ERICH3: variants seen among roughly 807,000 people sequenced by gnomAD.
The protein encoded by ERICH3 is glutamate-rich protein 3.
ERICH3 carries 126 observed loss-of-function variants against 131.1 expected under a neutral mutation model. The observed-to-expected ratio is 0.96, with a 90% confidence interval of 0.83 to 1.11. ERICH3 has a LOEUF of 1.11. Ranked by LOEUF, ERICH3 falls within the 50% of genes most tolerant of loss-of-function variation. The pLI is 0.00. For missense variants in ERICH3, 2,050 were observed against 1,810.7 expected (o/e 1.13, Z -2.40); for synonymous variants, 695 against 644.6 (o/e 1.08, Z -1.18).
intron 6 of ERICH3, among the ~76,000 whole-genome samples, chr1:74,632,564 GCA>G (rs201198183): frequency 6.6e-6 from 1 of 150,778 alleles, no homozygotes; most frequent in Non-Finnish European, 1.5e-5. Flanking sequence ...ATACACACAT[GCA>G]CACACACACA....
At chr1:74,608,658 T>C (rs1476842972) in intron 9 of ERICH3, among the ~76,000 whole-genome samples, 1 of 152,072 alleles carries the variant, frequency 6.6e-6, no homozygotes, top group East Asian at 1.9e-4. Context: ...CTAGAAGGAT[T>C]TGCACTCAAA....
At chr1:74,666,439 A>G (rs1646693874) in intron 1 of ERICH3, among the ~76,000 whole-genome samples, 5 of 152,042 alleles carry the variant, frequency 3.3e-5, no homozygotes, top group Admixed American at 3.3e-4. Context: ...TAATACTGAA[A>G]GAGTCTCAGT....
Position 74,612,614 on chromosome 1 carries a change from T to C in ERICH3, c.1187+9A>G. ...CTTGCCCTCTACCAAAGGACATTTG[T>C]TTCCATACTTGTAGCAAGGAGATGA... On this transcript the variant is annotated intron_variant, in intron 9 of 14. Transcript: ENST00000326665. 1 of 1,539,674 alleles carries C rather than the reference T, an allele frequency of 6.5e-7. No homozygotes were observed.
chr1:74,578,899 T>C (rs1647126279), intron 12 of ERICH3, among the ~76,000 whole-genome samples: 1 of 152,080 alleles, frequency 6.6e-6, no homozygotes, highest in Non-Finnish European at 1.5e-5. Flanking sequence ...GGAGGGAAAA[T>C]TGTGACTTAA....
chr1:74,626,909 T>C (rs568124257), intron 7 of ERICH3, among the ~76,000 whole-genome samples: 3 of 152,292 alleles, frequency 2.0e-5, no homozygotes, highest in Admixed American at 6.5e-5. Flanking sequence ...TACACATTCA[T>C]AGAGGAGCAG....
intron 9 of ERICH3, among the ~76,000 whole-genome samples, chr1:74,608,309 C>G (rs528624099): frequency 2.1e-4 from 32 of 152,106 alleles, no homozygotes; most frequent in Admixed American, 2.1e-3. Flanking sequence ...TGGTAGTTAT[C>G]AGTCTCTTCA....
rs887589283 is a variant in ERICH3 at position 74,631,734 on chromosome 1, G to A, written c.798C>T (p.Gly266=). Residue 266 remains glycine (G), a synonymous_variant, in exon 7 of 15, where the codon GGC becomes GGT. Transcript: ENST00000326665. ...RRFRPTTAPN[G]LEPLLTKDSR... is the part of the protein sequence containing the mutation. ...TCACCTTTGTCAAAAGAGGTTCTAA[G>A]CCATTTGGAGCAGTGGTTGGACGAA... The A allele has an allele frequency of 2.5e-6, 4 of 1,612,584 alleles. No homozygotes were observed. In the African/African-American group the frequency reaches 5.3e-5, roughly 22 times the overall value.
At chr1:74,588,539 A>G (rs12084447) in intron 12 of ERICH3, among the ~76,000 whole-genome samples, 1,714 of 152,326 alleles carry the variant, frequency 0.011, 33 homozygotes, top group African/African-American at 0.039. Flanking sequence ...AGACGCTAAA[A>G]GCATTCATAT....
At chr1:74,588,647 T>C (rs963772204) in intron 12 of ERICH3, among the ~76,000 whole-genome samples, 14 of 152,052 alleles carry the variant, frequency 9.2e-5, no homozygotes, top group African/African-American at 2.7e-4. Flanking sequence ...GGGAGACAGA[T>C]GAGAGAGAGC....
intron 7 of ERICH3, among the ~76,000 whole-genome samples, chr1:74,627,284 GTGAAGA>G (rs1649450362): frequency 1.3e-5 from 2 of 152,046 alleles, no homozygotes; most frequent in South Asian, 4.1e-4. Context: ...AGATTTATGG[GTGAAGA>G]TGAAAAAGAA....
At chr1:74,631,959 G>C in intron 6 of ERICH3, 31 bp from the exon 7 acceptor site, 1 of 1,578,430 alleles carries the variant, frequency 6.3e-7, no homozygotes, top group Non-Finnish European at 8.7e-7. Flanking sequence ...ATAAGAACCA[G>C]TGAAACAGAA....
intron 13 of ERICH3, among the ~76,000 whole-genome samples, chr1:74,573,986 T>C (rs543231886): frequency 6.6e-6 from 1 of 151,226 alleles, no homozygotes; most frequent in African/African-American, 2.4e-5. Context: ...TTTGTCTCTT[T>C]TTCTCTCTTT....
intron 12 of ERICH3, among the ~76,000 whole-genome samples, chr1:74,587,789 T>C (rs1484187462): frequency 1.3e-5 from 2 of 152,206 alleles, no homozygotes; most frequent in African/African-American, 2.4e-5. Context: ...CTTATATGTA[T>C]GAAAATTTCA....
At chr1:74,635,654 C>T (rs572063142) in intron 6 of ERICH3, among the ~76,000 whole-genome samples, 65 of 152,060 alleles carry the variant, frequency 4.3e-4, no homozygotes, top group African/African-American at 1.5e-3. Flanking sequence ...ACTAATTCCT[C>T]CTCCCTATTT....
intron 1 of ERICH3, among the ~76,000 whole-genome samples, chr1:74,667,307 C>A (rs181443644): frequency 6.6e-5 from 10 of 152,064 alleles, no homozygotes; most frequent in African/African-American, 2.4e-4. Flanking sequence ...TTTTTGTTTT[C>A]GCAAATTTTA....
rs140931504 is a variant in ERICH3 at position 74,572,645 on chromosome 1, G to C, written c.3065C>G (p.Ala1022Gly). 6.2e-6 allele frequency: 10 copies of C among 1,613,758 alleles called. No individual in the cohort carries two copies. The highest frequency in any genetic ancestry group is 1.7e-5 in the Admixed American group (1 of 60,002). Reference sequence around the variant, plus strand: ...TTCCACATCTTCCTTGCAAAGGAAGGCTTCCTTTGCAAGGCTTCCTTCCTC... The same window carrying C: ...TTCCACATCTTCCTTGCAAAGGAAGCCTTCCTTTGCAAGGCTTCCTTCCTC... ...SPEEGSLAKE[A>G]FLCKEDVEGE... The change falls in exon 14 of 15, where the codon GCC becomes GGC. Residue 1022 changes from alanine to glycine, a missense_variant. Ala to Gly is a moderately conservative substitution (Grantham distance 60, BLOSUM62 0). Transcript: ENST00000326665.
Position 74,623,618 on chromosome 1 carries a change from C to T in ERICH3, c.820-2704G>A, listed in dbSNP as rs532454026. The T allele has an allele frequency of 7.7e-4, 117 of 152,212 alleles. 1 individual carries two copies. Among genetic ancestry groups the T allele is most frequent in the African/African-American group, 2.7e-3 (112 of 41,542 alleles). 9.4% of individuals were successfully genotyped at this position (152,212 alleles called of 1,614,324 possible). The stretch of plus-strand genomic sequence containing the variant: ...AGAATTTTGAACTATTCCAGGAAAA[C>T]TGAGAAGTATGGTCGCCCTACGAAT... On this transcript the variant is annotated intron_variant, in intron 7 of 14. Coordinates refer to ENST00000326665, the MANE Select transcript of ERICH3 (RefSeq NM_001002912.5).
At chr1:74,669,021 T>A (rs1038871112) in intron 1 of ERICH3, among the ~76,000 whole-genome samples, 3 of 152,148 alleles carry the variant, frequency 2.0e-5, no homozygotes, top group African/African-American at 7.2e-5. Context: ...TGGACCTTTC[T>A]TTAGGAAATA....
At chr1:74,613,197 A>G (rs1405303737) in intron 8 of ERICH3, among the ~76,000 whole-genome samples, 4 of 152,140 alleles carry the variant, frequency 2.6e-5, no homozygotes, top group Admixed American at 2.6e-4. Flanking sequence ...GATTACTTTT[A>G]TTTGTAATAA....
Sources: allele counts gnomAD v4.1 joint callset (sites outside exome capture counted in the v4.1 genomes callset), GRCh38; gene constraint gnomAD v4.1.1; transcripts MANE v1.5; gene names NCBI Gene and HGNC (gene_info 2026-07-23, HGNC 2026-07-21).